Variants in FNDC3B observed in about 807,000 individuals in gnomAD.
FNDC3B encodes the protein fibronectin type III domain containing 3B.
In FNDC3B, 12 loss-of-function variants were observed where a neutral mutation model predicts 151.5. The ratio of observed to expected loss-of-function variants is 0.08; its 90% CI spans 0.05 to 0.13. The LOEUF (loss-of-function observed/expected upper bound fraction) is 0.13. Ranked by LOEUF, FNDC3B falls within the 10% of genes least tolerant of loss-of-function variation. FNDC3B has a pLI of 1.00. For synonymous variants in FNDC3B, 528 were observed against 549.0 expected, an observed-to-expected ratio of 0.96 and a Z score of 0.54; for missense variants, 1,214 against 1,505.3, an observed-to-expected ratio of 0.81 and a Z score of 3.20.
chr3:172,203,536 T>C (rs180674314), intron 3 of FNDC3B, among the ~76,000 whole-genome samples: 153 of 152,364 alleles, frequency 1.0e-3, no homozygotes, highest in Non-Finnish European at 1.8e-3. Context: ...TGAAACCTTA[T>C]GGGGAAGGAT....
intron 2 of FNDC3B, among the ~76,000 whole-genome samples, chr3:172,130,334 G>A (rs2108568785): frequency 6.6e-6 from 1 of 152,336 alleles, no homozygotes; most frequent in East Asian, 1.9e-4. Flanking sequence ...TTGGGACACA[G>A]GAGACTTGCC....
intron 7 of FNDC3B, among the ~76,000 whole-genome samples, chr3:172,294,922 G>T (rs767670572): frequency 6.6e-6 from 1 of 152,144 alleles, no homozygotes; most frequent in African/African-American, 2.4e-5. Context: ...CACCCATTGG[G>T]TTCTCCTGGG....
At chr3:172,178,566 A>G (rs1723725949) in intron 3 of FNDC3B, among the ~76,000 whole-genome samples, 1 of 152,178 alleles carries the variant, frequency 6.6e-6, no homozygotes, top group Non-Finnish European at 1.5e-5. Flanking sequence ...AAAGCTTGGC[A>G]TTGGTTTAGG....
At chr3:172,058,051 G>A (rs749066387) in intron 1 of FNDC3B, among the ~76,000 whole-genome samples, 8 of 152,136 alleles carry the variant, frequency 5.3e-5, no homozygotes, top group African/African-American at 1.9e-4. Context: ...ATGGATTTAC[G>A]TGCAAGTTAG....
At chr3:172,199,848 A>G (rs1725047638) in intron 3 of FNDC3B, among the ~76,000 whole-genome samples, 1 of 152,194 alleles carries the variant, frequency 6.6e-6, no homozygotes, top group African/African-American at 2.4e-5. Flanking sequence ...TTAAGGAATA[A>G]ATGTTTGCGA....
intron 1 of FNDC3B, among the ~76,000 whole-genome samples, chr3:172,091,280 G>A (rs1388803679): frequency 6.6e-6 from 1 of 152,200 alleles, no homozygotes; most frequent in Admixed American, 6.5e-5. Context: ...AGTTTTAGCT[G>A]CCTTTAAATT....
intron 11 of FNDC3B, among the ~76,000 whole-genome samples, chr3:172,326,489 A>G (rs1390551771): frequency 1.3e-5 from 2 of 152,142 alleles, no homozygotes; most frequent in African/African-American, 4.8e-5. Flanking sequence ...CCTGATTTTA[A>G]CAATTGGTCC....
At chr3:172,167,817 G>T (rs911822083) in intron 3 of FNDC3B, among the ~76,000 whole-genome samples, 1 of 152,154 alleles carries the variant, frequency 6.6e-6, no homozygotes, top group African/African-American at 2.4e-5. Context: ...AAGGATCTAG[G>T]TTGCGTACTC....
chr3:172,138,224 A>T (rs908170192), intron 3 of FNDC3B, among the ~76,000 whole-genome samples: 1 of 152,322 alleles, frequency 6.6e-6, no homozygotes, highest in African/African-American at 2.4e-5. Context: ...CAGTCTGGTT[A>T]TATGCGTAAA....
chr3:172,152,122 A>G (rs955948320), intron 3 of FNDC3B, among the ~76,000 whole-genome samples: 2 of 152,278 alleles, frequency 1.3e-5, no homozygotes, highest in East Asian at 3.9e-4. Flanking sequence ...CTTTTACATC[A>G]CCAACTCTCT....
chr3:172,363,469 A>G (rs1734461585), intron 23 of FNDC3B, among the ~76,000 whole-genome samples: 1 of 152,106 alleles, frequency 6.6e-6, no homozygotes, highest in Non-Finnish European at 1.5e-5. Context: ...AGACAGCCAA[A>G]CTGTATTTAG....
chr3:172,247,797 G>A (rs376124255), intron 5 of FNDC3B, 21 bp downstream of exon 5: 35 of 1,613,406 alleles, frequency 2.2e-5, no homozygotes, highest in Middle Eastern at 3.3e-4. Context: ...TTTCGTTGGC[G>A]TCAGGAGCCG....
At chr3:172,269,534 T>G (rs1412176140) in intron 6 of FNDC3B, among the ~76,000 whole-genome samples, 4 of 152,246 alleles carry the variant, frequency 2.6e-5, no homozygotes, top group Non-Finnish European at 4.4e-5. Flanking sequence ...CCTCCCAATG[T>G]ACTGGGATTA....
At chr3:172,264,537 T>C (rs1460855245) in intron 6 of FNDC3B, among the ~76,000 whole-genome samples, 1 of 152,242 alleles carries the variant, frequency 6.6e-6, no homozygotes, top group Non-Finnish European at 1.5e-5. Context: ...CTATGAATTC[T>C]CTACCCCTCT....
At chr3:172,189,799 TAAAAAAAAAAAAAAA>T (rs60894339) in intron 3 of FNDC3B, among the ~76,000 whole-genome samples, 102 of 84,316 alleles carry the variant, frequency 1.2e-3, no homozygotes, top group South Asian at 8.5e-3. Context: ...AGACCTTGTC[TAAAAAAAAAAAAAAA>T]AAAAAAAAAA....
At chr3:172,218,215 A>C (rs1456362622) in intron 3 of FNDC3B, among the ~76,000 whole-genome samples, 1 of 151,948 alleles carries the variant, frequency 6.6e-6, no homozygotes, top group Non-Finnish European at 1.5e-5. Context: ...TGGCACACCT[A>C]ACTTTCCAAG....
At chr3:172,203,165 T>G (rs914113754) in intron 3 of FNDC3B, among the ~76,000 whole-genome samples, 1 of 152,248 alleles carries the variant, frequency 6.6e-6, no homozygotes, top group Non-Finnish European at 1.5e-5. Context: ...CTGTGGGCAC[T>G]CTAACATCCT....
intron 4 of FNDC3B, among the ~76,000 whole-genome samples, chr3:172,242,596 T>C (rs963989449): frequency 6.6e-6 from 1 of 151,986 alleles, no homozygotes; most frequent in African/African-American, 2.4e-5. Context: ...ATGACTGGAG[T>C]GGCTGGGATG....
intron 9 of FNDC3B, among the ~76,000 whole-genome samples, chr3:172,299,898 G>A (rs1189651988): frequency 6.6e-6 from 1 of 152,154 alleles, no homozygotes; most frequent in African/African-American, 2.4e-5. Context: ...TTAAAAAAAA[G>A]GTAGTAAAGC....
Sources: allele counts gnomAD v4.1 joint callset (sites outside exome capture counted in the v4.1 genomes callset), GRCh38; gene constraint gnomAD v4.1.1; transcripts MANE v1.5; gene names NCBI Gene and HGNC (gene_info 2026-07-23, HGNC 2026-07-21).